SPIN3: variants seen among roughly 807,000 people sequenced by gnomAD.
SPIN3 encodes the protein spindlin-3.
For synonymous variants in SPIN3, 74 were observed against 74.3 expected (o/e 1.00, Z 0.02); for missense variants, 176 against 196.4 (o/e 0.90, Z 0.62).
chrX:56,987,305 G>A (rs1924240935), downstream of SPIN3, among the ~76,000 whole-genome samples: 1 of 110,267 alleles, frequency 9.1e-6, no homozygotes, highest in African/African-American at 3.3e-5. Context: ...AATGACATCA[G>A]GTATTCCAGC....
At position 56,994,893 on chromosome X, in the gene SPIN3, CA is replaced by C; in HGVS notation, c.54del (p.Gly19AlafsTer9). On this transcript the variant is annotated frameshift_variant, in exon 2 of 2. Coordinates refer to ENST00000374919, the MANE Select transcript of SPIN3 (RefSeq NM_001010862.3). LOFTEE classifies it low-confidence loss of function (END_TRUNC). ...ATGGTAACAGACACACTGCCGTGGC[CA>C]GCGCCCGTCCTGGACCGCTGCCCTG... ...AAAGQRSRTG[A>X]GHGSVSVTMI... The C allele has an allele frequency of 8.3e-7, 1 of 1,210,358 alleles. No individual in the cohort carries two copies. Among genetic ancestry groups the C allele is most frequent in the Non-Finnish European group, 1.1e-6 (1 of 894,866 alleles).
chrX:56,983,578 G>A (rs1924164034), intron 3 of SPIN3, among the ~76,000 whole-genome samples: 1 of 112,902 alleles, frequency 8.9e-6, no homozygotes, highest in Non-Finnish European at 1.9e-5. Context: ...GATAGTGTGT[G>A]TGCAGTGATT....
downstream of SPIN3, chrX:56,975,348 A>G (rs769798188): frequency 8.9e-6 from 1 of 111,769 alleles, no homozygotes; most frequent in East Asian, 2.8e-4. Context: ...GGTAGATTTA[A>G]AAATTTTCTG....
In SPIN3 at chrX:56,993,353, T is replaced by A. The variant is rs1231362581; in HGVS notation, c.*818A>T. 1 of 111,726 alleles carries A rather than the reference T, an allele frequency of 9.0e-6. No homozygotes were observed. The highest frequency in any genetic ancestry group is 1.9e-5 in the Non-Finnish European group (1 of 53,175). The allele number at this position is 111,726 out of a possible 1,213,427, so 9.2% of individuals were successfully genotyped here. On this transcript the variant is annotated 3_prime_UTR_variant, in exon 2 of 2. Coordinates refer to ENST00000374919, the MANE Select transcript of SPIN3 (RefSeq NM_001010862.3). ...GCTCCTCTGGGCTGGCAAAGACCATTTGTGCTAAAGTCTGCCTGCACAGCT... is the reference window on the plus strand; with the variant it reads ...GCTCCTCTGGGCTGGCAAAGACCATATGTGCTAAAGTCTGCCTGCACAGCT...
chrX:56,994,044 C>A lies in SPIN3; in HGVS notation c.*127G>T. On this transcript the variant is annotated 3_prime_UTR_variant, in exon 2 of 2. Coordinates refer to ENST00000374919, the MANE Select transcript of SPIN3 (RefSeq NM_001010862.3). Reference sequence around the variant, plus strand: ...AAAAACGTATGAGAGGGCAGAAGTTCCAATTTTTTTGCCAAGCAAAACGTG... The same window carrying A: ...AAAAACGTATGAGAGGGCAGAAGTTACAATTTTTTTGCCAAGCAAAACGTG... The A allele has an allele frequency of 1.4e-6, 1 of 709,315 alleles. No homozygotes were observed. The highest frequency in any genetic ancestry group is 2.0e-6 in the Non-Finnish European group (1 of 505,298). The allele number at this position is 709,315 out of a possible 1,213,427, so 58.5% of individuals were successfully genotyped here.
chrX:56,994,822 G>A lies in SPIN3; in HGVS notation c.126C>T (p.Thr42=), dbSNP rs1309895123. 3.7e-5 allele frequency: 45 copies of A among 1,209,880 alleles called. No homozygotes were observed. Among genetic ancestry groups the A allele is most frequent in the Middle Eastern group, 2.3e-4 (1 of 4,374 alleles). Residue 42 remains threonine, a synonymous_variant, in exon 2 of 2, where the codon ACC becomes ACT. Transcript: ENST00000374919. ...CCACGATGTTCCCCCGAGGCTGGGA[G>A]GTGGGTCGGCTCCTATGCTTCTTGT... ...AAHKKHRSRP[T]SQPRGNIVGC...
In SPIN3 at chrX:56,994,744, C is replaced by G; in HGVS notation, c.204G>C (p.Trp68Cys). The G allele has an allele frequency of 2.5e-6, 3 of 1,211,867 alleles. No individual in the cohort carries two copies. Among genetic ancestry groups the G allele is most frequent in the Non-Finnish European group, 3.4e-6 (3 of 895,490 alleles). Residue 68 changes from tryptophan to cysteine, a missense_variant, in exon 2 of 2, where the codon TGG (tryptophan) becomes TGC (cysteine). Physicochemically the swap from Trp to Cys is radical, Grantham distance 215. Transcript: ENST00000374919. ...GTACCTGATCCAGAACGGTTCCTTT[C>G]CACTGTGTTAGAGGTTCATCTCCAT... is the stretch of plus-strand genomic sequence containing the variant. ...WKDGDEPLTQ[W>C]KGTVLDQVPV... is the part of the protein sequence containing the mutation.
intron 3 of SPIN3, chrX:56,980,562 A>G (rs1166140853): frequency 1.0e-5 from 1 of 100,475 alleles, no homozygotes; most frequent in Non-Finnish European, 2.0e-5. Context: ...AGAACTAAAA[A>G]TGTATCTCTC....
chrX:56,994,134 TAG>T lies in SPIN3; in HGVS notation c.*35_*36del. ...TCAAGACTTTCTGTGTCTACAGATT[TAG>T]AGTCTCATATATTTGGCAAATTTCA... is the stretch of plus-strand genomic sequence containing the variant. On this transcript the variant is annotated 3_prime_UTR_variant, in exon 2 of 2. Coordinates refer to ENST00000374919, the MANE Select transcript of SPIN3 (RefSeq NM_001010862.3). The T allele has an allele frequency of 8.9e-7, 1 of 1,121,817 alleles. No individual in the cohort carries two copies. The highest frequency in any genetic ancestry group is 1.2e-6 in the Non-Finnish European group (1 of 834,709). The allele number at this position is 1,121,817 out of a possible 1,213,427, so 92.5% of individuals were successfully genotyped here. A position where few individuals can be genotyped will look rare whatever the true frequency, so the allele number is the denominator to read the frequency against.
chrX:56,984,891 A>C (rs1177371059), intron 2 of SPIN3, among the ~76,000 whole-genome samples: 1 of 111,613 alleles, frequency 9.0e-6, no homozygotes, highest in African/African-American at 3.3e-5. Context: ...AAACACCTTC[A>C]AACTCAACTT....
Position 56,994,677 on chromosome X carries a change from C to G in SPIN3, c.271G>C (p.Asp91His), listed in dbSNP as rs1489078377. ...SLYLIKYDGF[D>H]CVYGLELHRD... ...TGAAGTTCCAATCCATAAACACAGT[C>G]AAATCCATCATATTTGATAAGATAC... is the stretch of plus-strand genomic sequence containing the variant. The change falls in exon 2 of 2, where the codon GAC becomes CAC. Residue 91 changes from aspartate to histidine, a missense_variant. Transcript: ENST00000374919. 1 of 1,210,232 alleles carries G rather than the reference C, an allele frequency of 8.3e-7. No individual in the cohort carries two copies. The highest frequency in any genetic ancestry group is 1.7e-5 in the African/African-American group (1 of 57,226).
rs1057159267 is a variant in SPIN3, at chrX:56,992,123, T to C, written c.*2048A>G. ...TTTCTCGTTTTTCTCATTTCAGCCA[T>C]ATAGATCTCACAAAGATGTCTGCCC... On this transcript the variant is annotated 3_prime_UTR_variant, in exon 2 of 2. Transcript: ENST00000374919. The C allele has an allele frequency of 5.7e-5, 17 of 295,960 alleles. No homozygotes were observed. The highest frequency in any genetic ancestry group is 8.8e-5 in the Non-Finnish European group (15 of 170,132). 24.4% of individuals were successfully genotyped at this position (295,960 alleles called of 1,213,427 possible). A position where few individuals can be genotyped will look rare whatever the true frequency, so the allele number is the denominator to read the frequency against.
At chrX:56,990,344 A>AT (rs1438398868), downstream of SPIN3, among the ~76,000 whole-genome samples, 4 of 111,390 alleles carry the variant, frequency 3.6e-5, no homozygotes, top group South Asian at 1.1e-3. Flanking sequence ...TGAGCTCTAG[A>AT]TTTTTTTTAA....
rs1267679604 is a variant in SPIN3, at chrX:56,992,910, A to T, written c.*1261T>A. The T allele has an allele frequency of 7.0e-6, 1 of 143,763 alleles. No homozygotes were observed. Among genetic ancestry groups the T allele is most frequent in the Non-Finnish European group, 1.3e-5 (1 of 74,501 alleles). 11.8% of individuals were successfully genotyped at this position (143,763 alleles called of 1,213,427 possible). On this transcript the variant is annotated 3_prime_UTR_variant, in exon 2 of 2. Transcript: ENST00000374919. Reference sequence around the variant, plus strand: ...TATAAGTTTCTTAGGGCCAGCCAAGAAACAGGATAGTTAAAAATCCAAACA... The same window carrying T: ...TATAAGTTTCTTAGGGCCAGCCAAGTAACAGGATAGTTAAAAATCCAAACA...
chrX:56,982,181 G>T (rs1924135208), intron 3 of SPIN3: 2 of 111,193 alleles, frequency 1.8e-5, no homozygotes. Flanking sequence ...GAATTCTCAG[G>T]GCCAGAAGCA....
At chrX:56,979,234 C>T (rs1924065266) in intron 3 of SPIN3, 1 of 111,069 alleles carries the variant, frequency 9.0e-6, no homozygotes, top group African/African-American at 3.3e-5. Flanking sequence ...CTTGGCCCTG[C>T]TGTTTTTTTT....
rs1209462503 is a variant in SPIN3 at position 56,992,390 on chromosome X, A to G, written c.*1781T>C. On this transcript the variant is annotated 3_prime_UTR_variant, in exon 2 of 2. Transcript: ENST00000374919. ...TTTTTTTAAGCAAATATATGACCCC[A>G]GGACTTAGAACATAGGGCAATACAG... is the stretch of plus-strand genomic sequence containing the variant. 6 of 295,695 alleles carry G rather than the reference A, an allele frequency of 2.0e-5. No homozygotes were observed. The highest frequency in any genetic ancestry group is 2.9e-5 in the Non-Finnish European group (5 of 170,049). The allele number at this position is 295,695 out of a possible 1,213,427, so 24.4% of individuals were successfully genotyped here. A position where few individuals can be genotyped will look rare whatever the true frequency, so the allele number is the denominator to read the frequency against.
downstream of SPIN3, among the ~76,000 whole-genome samples, chrX:56,988,089 C>A (rs770733488): frequency 9.0e-6 from 1 of 111,429 alleles, no homozygotes; most frequent in East Asian, 2.8e-4. Context: ...GCTAGTAAAA[C>A]CTGGAATTAA....
intron 5 of SPIN3, chrX:56,977,803 C>T (rs1924037166): frequency 9.0e-6 from 1 of 111,172 alleles, no homozygotes; most frequent in East Asian, 2.8e-4. Context: ...GAAAGAGAGA[C>T]CTAAGCTACC....
Sources: gnomAD v4.1 joint callset for allele counts (sites outside exome capture counted in the v4.1 genomes callset) on GRCh38, gnomAD v4.1.1 for gene constraint, MANE v1.5 for transcripts, NCBI Gene and HGNC (gene_info 2026-07-23, HGNC 2026-07-21) for gene names.